The following TMEFF2 variants were observed in gnomAD, a reference collection of about 807,000 sequenced individuals.
TMEFF2 encodes transmembrane protein with EGF like and two follistatin like domains 2.
A neutral mutation model predicts 53.8 loss-of-function variants in TMEFF2; 28 were observed. That is an observed-to-expected ratio of 0.52 (90% CI 0.39 to 0.71). The LOEUF (loss-of-function observed/expected upper bound fraction) is 0.71, where lower values mean the gene tolerates loss of function less well. TMEFF2 is among the 30% of genes least tolerant of loss of function. TMEFF2 has a pLI of 0.00. For missense variants in TMEFF2, 353 were observed against 455.2 expected, an observed-to-expected ratio of 0.78 and a Z score of 2.04; for synonymous variants, 162 against 166.3, an observed-to-expected ratio of 0.97 and a Z score of 0.20.
intron 4 of TMEFF2, among the ~76,000 whole-genome samples, chr2:192,092,956 T>C (rs1365568891): frequency 6.6e-6 from 1 of 152,102 alleles, no homozygotes; most frequent in Non-Finnish European, 1.5e-5. Context: ...TATAAGACAA[T>C]AGAGTTGTCT....
chr2:192,070,261 T>C (rs1049408131), intron 4 of TMEFF2, among the ~76,000 whole-genome samples: 1 of 151,610 alleles, frequency 6.6e-6, no homozygotes, highest in Non-Finnish European at 1.5e-5. Flanking sequence ...GCATTTTAAA[T>C]GTCAAAGGAT....
intron 7 of TMEFF2, among the ~76,000 whole-genome samples, chr2:191,986,976 G>T (rs1685993033): frequency 6.6e-6 from 1 of 151,856 alleles, no homozygotes; most frequent in Non-Finnish European, 1.5e-5. Context: ...AGAATGATTA[G>T]GCAGGCCAAC....
chr2:192,139,062 G>A (rs1377114149), intron 4 of TMEFF2, among the ~76,000 whole-genome samples: 2 of 152,098 alleles, frequency 1.3e-5, no homozygotes, highest in South Asian at 2.1e-4. Flanking sequence ...TCTTTCTGAT[G>A]AGCTCTGATT....
chr2:192,087,552 A>G (rs1322841965), intron 4 of TMEFF2, among the ~76,000 whole-genome samples: 3 of 152,168 alleles, frequency 2.0e-5, no homozygotes, highest in Non-Finnish European at 4.4e-5. Context: ...TAAAAAGCCT[A>G]AGGCATACTG....
At chr2:191,962,379 ATAAAAT>A (rs928464089) in intron 7 of TMEFF2, among the ~76,000 whole-genome samples, 11 of 152,350 alleles carry the variant, frequency 7.2e-5, no homozygotes, top group East Asian at 3.9e-4. Context: ...CTTATTGAAC[ATAAAAT>A]TAAAATAAAG....
rs1490642620 is a variant in TMEFF2, at chr2:191,982,828, TTTTG to T, written c.745+15430_745+15433del. Among the ~76,000 whole-genome samples the T allele has an allele frequency of 4.6e-5, 7 of 152,178 alleles. No individual in the cohort carries two copies. The East Asian group carries it at 9.6e-4, about 21-fold the overall frequency. ...TTCTTTGACTCCTTAATTTTAAAAG[TTTTG>T]TTTATTTGTAAGGTGTGTTTTAACC... On this transcript the variant is annotated intron_variant, in intron 7 of 9. Coordinates refer to ENST00000272771, the MANE Select transcript of TMEFF2 (RefSeq NM_016192.4).
intron 5 of TMEFF2, among the ~76,000 whole-genome samples, chr2:192,043,211 C>A (rs1385935867): frequency 1.3e-5 from 2 of 152,256 alleles, no homozygotes; most frequent in South Asian, 2.1e-4. Flanking sequence ...CCTACTAAAT[C>A]TTACTTGATT....
intron 7 of TMEFF2, among the ~76,000 whole-genome samples, chr2:191,980,466 C>T (rs1685828798): frequency 6.6e-6 from 1 of 152,134 alleles, no homozygotes; most frequent in Admixed American, 6.5e-5. Flanking sequence ...AATCATTATT[C>T]ATCTGGCATT....
At chr2:191,968,599 C>T (rs1195030112) in intron 7 of TMEFF2, among the ~76,000 whole-genome samples, 1 of 151,968 alleles carries the variant, frequency 6.6e-6, no homozygotes, top group African/African-American at 2.4e-5. Context: ...TAGCAGAATT[C>T]ACGGGAAAAA....
At chr2:192,191,428 G>C (rs1168982756) in intron 2 of TMEFF2, among the ~76,000 whole-genome samples, 1 of 152,044 alleles carries the variant, frequency 6.6e-6, no homozygotes, top group Non-Finnish European at 1.5e-5. Context: ...CTAATAAGGA[G>C]TTACCTTAAA....
intron 4 of TMEFF2, among the ~76,000 whole-genome samples, chr2:192,167,720 A>G (rs1261164977): frequency 6.6e-6 from 1 of 152,158 alleles, no homozygotes; most frequent in Non-Finnish European, 1.5e-5. Context: ...GAGCATGAGG[A>G]CAGGGGTAGG....
intron 7 of TMEFF2, among the ~76,000 whole-genome samples, chr2:191,986,441 A>G (rs1325438593): frequency 6.6e-6 from 1 of 152,238 alleles, no homozygotes; most frequent in Admixed American, 6.5e-5. Flanking sequence ...ACCTATAACT[A>G]AAAGAAAAAC....
intron 4 of TMEFF2, among the ~76,000 whole-genome samples, chr2:192,068,385 A>G (rs187940241): frequency 1.3e-5 from 2 of 152,054 alleles, no homozygotes; most frequent in Admixed American, 1.3e-4. Context: ...GGAATAAGAA[A>G]CACAAAACAG....
Position 192,037,336 on chromosome 2 carries a change from A to AGAAAGAAAGAAAG in TMEFF2, c.536+20342_536+20343insCTTTCTTTCTTTC, listed in dbSNP as rs1553515677. Among the ~76,000 whole-genome samples, 4 of 150,686 alleles carry AGAAAGAAAGAAAG rather than the reference A, an allele frequency of 2.7e-5. No homozygotes were observed. The East Asian group carries it at 8.4e-4, about 32-fold the overall frequency. On this transcript the variant is annotated intron_variant, in intron 5 of 9. Transcript: ENST00000272771. The stretch of plus-strand genomic sequence containing the variant: ...AAGAAAGAAAGAAAGAAAGAAAGAA[A>AGAAAGAAAGAAAG]AACAGAAAACAGAAAAAAAAACCTC...
chr2:192,056,516 C>T (rs1363688596), intron 5 of TMEFF2, among the ~76,000 whole-genome samples: 2 of 152,160 alleles, frequency 1.3e-5, no homozygotes, highest in African/African-American at 4.8e-5. Context: ...GAGTTATTCA[C>T]TTTTCAATGT....
rs561377069 is a variant in TMEFF2, at chr2:191,949,554, T to C, written c.*757A>G. 23 of 985,448 alleles carry C rather than the reference T, an allele frequency of 2.3e-5. No homozygotes were observed. The African/African-American group carries it at 3.8e-4, about 16-fold the overall frequency. 61.0% of individuals were successfully genotyped at this position (985,448 alleles called of 1,614,324 possible). ...AAATGGAATATATTTTGCCACTCTGTGTATACCTAGTATGTAACTTGTTCA... is the reference window on the plus strand; with the variant it reads ...AAATGGAATATATTTTGCCACTCTGCGTATACCTAGTATGTAACTTGTTCA... On this transcript the variant is annotated 3_prime_UTR_variant, in exon 10 of 10. Transcript: ENST00000272771.
chr2:191,959,342 A>T (rs1692199736), intron 7 of TMEFF2, among the ~76,000 whole-genome samples: 1 of 152,122 alleles, frequency 6.6e-6, no homozygotes, highest in East Asian at 1.9e-4. Flanking sequence ...AACAATTCTG[A>T]TACAATCTGA....
At chr2:192,023,672 CTCTGTCTG>C (rs36130103) in intron 5 of TMEFF2, among the ~76,000 whole-genome samples, 14 of 151,658 alleles carry the variant, frequency 9.2e-5, no homozygotes, top group Non-Finnish European at 1.8e-4. Flanking sequence ...TTTTTCATAT[CTCTGTCTG>C]TCTGTTTGTT....
At chr2:192,046,363 CAAAGAAAAA>C (rs1225805874) in intron 5 of TMEFF2, among the ~76,000 whole-genome samples, 1 of 150,326 alleles carries the variant, frequency 6.7e-6, no homozygotes, top group Non-Finnish European at 1.5e-5. Context: ...GACACTGTCT[CAAAGAAAAA>C]AAAGAAAAAA....
Sources: allele counts gnomAD v4.1 joint callset (sites outside exome capture counted in the v4.1 genomes callset), GRCh38; gene constraint gnomAD v4.1.1; transcripts MANE v1.5; gene names NCBI Gene and HGNC (gene_info 2026-07-23, HGNC 2026-07-21).